The following SLC12A6 variants were observed in gnomAD, a reference collection of about 807,000 sequenced individuals.
SLC12A6 encodes the protein solute carrier family 12 member 6.
Under a neutral mutation model 135.3 loss-of-function variants are expected in SLC12A6, and 66 were observed. That is an observed-to-expected ratio of 0.49 (90% confidence interval 0.40 to 0.60). SLC12A6 has a LOEUF of 0.60. Among genes scored for constraint, SLC12A6 ranks in the 20% least tolerant of loss-of-function variants. The pLI is 0.00. For missense variants in SLC12A6, 1,058 were observed against 1,452.3 expected (o/e 0.73, Z 4.41); for synonymous variants, 513 against 508.8 (o/e 1.01, Z -0.11).
At chr15:34,293,579 C>A (rs1895688397) in intron 2 of SLC12A6, among the ~76,000 whole-genome samples, 1 of 152,228 alleles carries the variant, frequency 6.6e-6, no homozygotes, top group South Asian at 2.1e-4. Flanking sequence ...GCTGGGATTA[C>A]AGGCATGAGC....
intron 16 of SLC12A6, among the ~76,000 whole-genome samples, chr15:34,242,887 G>A (rs935336547): frequency 3.3e-5 from 5 of 152,042 alleles, no homozygotes; most frequent in South Asian, 2.1e-4. Context: ...AAAATTAGCC[G>A]GGTGTGGTGA....
Position 34,235,586 on chromosome 15 carries a change from C to T in SLC12A6, c.3228-272G>A, listed in dbSNP as rs527653777. Among the ~76,000 whole-genome samples the T allele has an allele frequency of 1.9e-4, 29 of 152,006 alleles. No individual in the cohort carries two copies. In the South Asian group the frequency reaches 6.0e-3, roughly 32 times the overall value. On this transcript the variant is annotated intron_variant, in intron 24 of 25. Coordinates refer to ENST00000354181, the MANE Select transcript of SLC12A6 (RefSeq NM_001365088.1). The stretch of plus-strand genomic sequence containing the variant: ...AGTAGCTGGGATTACAGGCCCCCAC[C>T]ACCATACCCGGCTAATTTTTTTTGT...
At chr15:34,244,211 A>T in intron 15 of SLC12A6, 139 bp from the exon 16 acceptor site, 1 of 679,140 alleles carries the variant, frequency 1.5e-6, no homozygotes, top group Non-Finnish European at 2.7e-6. Flanking sequence ...GGAAACTTAA[A>T]CCTCTCCCCA....
intron 2 of SLC12A6, among the ~76,000 whole-genome samples, chr15:34,286,454 A>G (rs1232529891): frequency 6.6e-6 from 1 of 152,122 alleles, no homozygotes; most frequent in Non-Finnish European, 1.5e-5. Context: ...TGTGGTCTTC[A>G]TTAATAGCAT....
chr15:34,232,630 G>C lies in SLC12A6; in HGVS notation c.*1251C>G, dbSNP rs190342040. The C allele has an allele frequency of 3.3e-5, 5 of 152,664 alleles. No homozygotes were observed. Among genetic ancestry groups the C allele is most frequent in the African/African-American group, 1.2e-4 (5 of 41,528 alleles). The allele number at this position is 152,664 out of a possible 1,614,324, so 9.5% of individuals were successfully genotyped here. A position where few individuals can be genotyped will look rare whatever the true frequency, so the allele number is the denominator to read the frequency against. On this transcript the variant is annotated 3_prime_UTR_variant, in exon 26 of 26. Coordinates refer to ENST00000354181, the MANE Select transcript of SLC12A6 (RefSeq NM_001365088.1). ...ATGAAGAATAAAATTGAAAGAAAAAGGGGGAAATGCTTATACTTGGCATTA... is the reference window on the plus strand; with the variant it reads ...ATGAAGAATAAAATTGAAAGAAAAACGGGGAAATGCTTATACTTGGCATTA...
intron 15 of SLC12A6, 76 bp from the exon 16 acceptor site, chr15:34,244,148 G>A: frequency 3.4e-6 from 3 of 886,250 alleles, no homozygotes; most frequent in Non-Finnish European, 5.8e-6. Context: ...GAATACCTTT[G>A]CTGTATTGAA....
intron 2 of SLC12A6, among the ~76,000 whole-genome samples, chr15:34,304,553 T>C (rs572557710): frequency 6.6e-6 from 1 of 152,170 alleles, no homozygotes; most frequent in East Asian, 1.9e-4. Flanking sequence ...ACACTTGATA[T>C]CTGTCTTTTT....
chr15:34,321,962 T>C (rs566625862), intron 2 of SLC12A6, among the ~76,000 whole-genome samples: 4 of 152,288 alleles, frequency 2.6e-5, no homozygotes, highest in African/African-American at 9.6e-5. Context: ...TCTGGAAGAA[T>C]GGAAATACAG....
At chr15:34,284,014 C>T (rs916114495) in intron 2 of SLC12A6, among the ~76,000 whole-genome samples, 3 of 152,028 alleles carry the variant, frequency 2.0e-5, no homozygotes, top group Non-Finnish European at 4.4e-5. Context: ...CCTCAGCCTC[C>T]GAGGATTACA....
intron 3 of SLC12A6, among the ~76,000 whole-genome samples, chr15:34,271,349 T>A (rs1049760851): frequency 6.6e-6 from 1 of 150,892 alleles, no homozygotes; most frequent in Non-Finnish European, 1.5e-5. Flanking sequence ...ATTGTAGATA[T>A]GTTCCTAAGT....
At chr15:34,285,519 T>A (rs1894988011) in intron 2 of SLC12A6, among the ~76,000 whole-genome samples, 1 of 151,858 alleles carries the variant, frequency 6.6e-6, no homozygotes, top group Non-Finnish European at 1.5e-5. Context: ...TTTTTTTTTT[T>A]TTCCAAGCCA....
chr15:34,291,761 C>T (rs878876274), intron 2 of SLC12A6, among the ~76,000 whole-genome samples: 6 of 151,826 alleles, frequency 4.0e-5, no homozygotes, highest in South Asian at 4.2e-4. Context: ...TCCTTTCTTC[C>T]GCTTGATTGA....
intron 13 of SLC12A6, 66 bp from the exon 14 acceptor site, chr15:34,245,933 T>C (rs1407875496): frequency 7.8e-6 from 10 of 1,288,092 alleles, no homozygotes; most frequent in African/African-American, 4.4e-5. Context: ...ACTAGAGATA[T>C]TCACCCAATT....
At chr15:34,260,459 C>A (rs149894373) in intron 4 of SLC12A6, among the ~76,000 whole-genome samples, 2,391 of 151,532 alleles carry the variant, frequency 0.016, 67 homozygotes, top group African/African-American at 0.056. Flanking sequence ...GGGGTTTCAC[C>A]GTGTCAGCCA....
chr15:34,286,996 CT>C (rs142253292), intron 2 of SLC12A6, among the ~76,000 whole-genome samples: 10 of 148,950 alleles, frequency 6.7e-5, no homozygotes, highest in South Asian at 2.2e-4. Flanking sequence ...AAAGCAAGTA[CT>C]TTTTTTTTTA....
At chr15:34,268,071 T>C (rs1199996638) in intron 3 of SLC12A6, among the ~76,000 whole-genome samples, 1 of 152,178 alleles carries the variant, frequency 6.6e-6, no homozygotes, top group Non-Finnish European at 1.5e-5. Context: ...GACCATGTCA[T>C]TTCTCTTGAG....
At chr15:34,271,832 C>G (rs527575122) in intron 3 of SLC12A6, among the ~76,000 whole-genome samples, 55 of 152,264 alleles carry the variant, frequency 3.6e-4, no homozygotes, top group African/African-American at 1.3e-3. Flanking sequence ...TCCAATTCAA[C>G]AGCAAAGGTC....
At chr15:34,308,208 C>A (rs1887869257) in intron 2 of SLC12A6, among the ~76,000 whole-genome samples, 2 of 152,088 alleles carry the variant, frequency 1.3e-5, no homozygotes, top group Admixed American at 1.3e-4. Context: ...TTTAAGCATG[C>A]AGATCTAAAT....
At chr15:34,285,580 A>T (rs557929268) in intron 2 of SLC12A6, among the ~76,000 whole-genome samples, 1 of 151,840 alleles carries the variant, frequency 6.6e-6, no homozygotes, top group Non-Finnish European at 1.5e-5. Flanking sequence ...GGGTTTTTAA[A>T]TTAGGTGTGA....
Sources: allele counts gnomAD v4.1 joint callset (sites outside exome capture counted in the v4.1 genomes callset), GRCh38; gene constraint gnomAD v4.1.1; transcripts MANE v1.5; gene names NCBI Gene and HGNC (gene_info 2026-07-23, HGNC 2026-07-21).